LIFR: variants seen among roughly 807,000 people sequenced by gnomAD.
The protein encoded by LIFR is leukemia inhibitory factor receptor.
Under a neutral mutation model 122.2 loss-of-function variants are expected in LIFR, and 84 were observed. The observed-to-expected ratio is 0.69, with a 90% CI of 0.58 to 0.82. The LOEUF (loss-of-function observed/expected upper bound fraction) is 0.82. Among genes scored for constraint, LIFR ranks in the 40% least tolerant of loss-of-function variants. The pLI is 0.00. For missense variants in LIFR, 1,294 were observed against 1,311.6 expected (o/e 0.99, Z 0.21); for synonymous variants, 422 against 434.7 (o/e 0.97, Z 0.36).
chr5:38,483,745 A>T (rs574113993), intron 18 of LIFR, among the ~76,000 whole-genome samples: 90 of 152,304 alleles, frequency 5.9e-4, no homozygotes, highest in Non-Finnish European at 9.4e-4. Context: ...TTGTTTTAAA[A>T]ATGTGAATTT....
intron 1 of LIFR, among the ~76,000 whole-genome samples, chr5:38,545,593 T>A (rs1294049077): frequency 6.6e-6 from 1 of 152,104 alleles, no homozygotes; most frequent in Non-Finnish European, 1.5e-5. Flanking sequence ...CAGGGCACGG[T>A]GGCTCACGCC....
chr5:38,552,008 T>C (rs1748230248), intron 1 of LIFR, among the ~76,000 whole-genome samples: 1 of 152,202 alleles, frequency 6.6e-6, no homozygotes, highest in Non-Finnish European at 1.5e-5. Context: ...CTGGTAGGTG[T>C]TTCTACTCTT....
Position 38,502,747 on chromosome 5 carries a change from T to C in LIFR, c.1490A>G (p.Asp497Gly), listed in dbSNP as rs556703965. 2.5e-6 allele frequency: 4 copies of C among 1,611,612 alleles called. No individual in the cohort carries two copies. Among genetic ancestry groups the C allele is most frequent in the African/African-American group, 1.3e-5 (1 of 75,012 alleles). The change falls in exon 11 of 20, where the codon GAC (aspartate) becomes GGC (glycine). Residue 497 changes from aspartate (D) to glycine (G), a missense_variant. Coordinates refer to ENST00000453190, the MANE Select transcript of LIFR (RefSeq NM_001127671.2). Reference sequence around the variant, plus strand: ...ATATAGAGTGTATGGATTTAACTTGTCCAGAGCAACAAGATAACTTGAATT... The same window carrying C: ...ATATAGAGTGTATGGATTTAACTTGCCCAGAGCAACAAGATAACTTGAATT... The part of the protein sequence containing the change: ...VENSSYLVAL[D>G]KLNPYTLYTF...
At chr5:38,597,591 C>G (rs926531205), upstream of LIFR, among the ~76,000 whole-genome samples, 1 of 152,158 alleles carries the variant, frequency 6.6e-6, no homozygotes, top group Non-Finnish European at 1.5e-5. Context: ...TGAGGTAGTG[C>G]TACTAGCATC....
intron 5 of LIFR, among the ~76,000 whole-genome samples, chr5:38,518,164 G>C (rs1746206047): frequency 1.3e-5 from 2 of 151,782 alleles, no homozygotes; most frequent in Admixed American, 6.6e-5. Flanking sequence ...ATTTGACCTG[G>C]GTCTTGAAAT....
chr5:38,509,204 TTAAG>T (rs1490707465), intron 7 of LIFR, among the ~76,000 whole-genome samples: 11 of 152,230 alleles, frequency 7.2e-5, no homozygotes, highest in Admixed American at 7.2e-4. Flanking sequence ...TTTCATACTT[TTAAG>T]TAATAGCTCA....
chr5:38,502,838 T>C (rs1745263340), intron 10 of LIFR, 39 bp from the exon 11 acceptor site: 1 of 1,178,022 alleles, frequency 8.5e-7, no homozygotes, highest in African/African-American at 1.5e-5. Context: ...ATGTATATAT[T>C]ATGTGTATGA....
intron 3 of LIFR, 74 bp downstream of exon 3, chr5:38,528,652 C>A: frequency 1.1e-6 from 1 of 886,290 alleles, no homozygotes; most frequent in Non-Finnish European, 1.9e-6. Flanking sequence ...GTTTCACAAG[C>A]AATAAGGTAA....
At chr5:38,524,389 C>T (rs763814055) in intron 4 of LIFR, among the ~76,000 whole-genome samples, 12 of 151,980 alleles carry the variant, frequency 7.9e-5, no homozygotes, top group African/African-American at 2.2e-4. Flanking sequence ...ACACAGACTG[C>T]GGGGGATTGA....
intron 16 of LIFR, among the ~76,000 whole-genome samples, chr5:38,487,314 GT>G (rs1744340407): frequency 6.6e-6 from 1 of 152,206 alleles, no homozygotes; most frequent in Admixed American, 6.5e-5. Context: ...TCTCACGTTG[GT>G]TGACAGACTG....
intron 5 of LIFR, among the ~76,000 whole-genome samples, chr5:38,513,069 A>G (rs139512323): frequency 7.7e-4 from 117 of 152,338 alleles, no homozygotes; most frequent in African/African-American, 2.8e-3. Context: ...TGGGACTTCT[A>G]GGCAAACACA....
intron 12 of LIFR, among the ~76,000 whole-genome samples, chr5:38,497,647 T>C (rs1331200820): frequency 2.6e-5 from 4 of 152,156 alleles, no homozygotes; most frequent in Non-Finnish European, 2.9e-5. Flanking sequence ...ATCTCCCATA[T>C]TCCCACCTCT....
chr5:38,550,966 T>C (rs1748171519), intron 1 of LIFR, among the ~76,000 whole-genome samples: 1 of 152,200 alleles, frequency 6.6e-6, no homozygotes, highest in South Asian at 2.1e-4. Flanking sequence ...TTTTCTATTA[T>C]TCATAAGAGC....
intron 7 of LIFR, among the ~76,000 whole-genome samples, chr5:38,507,893 G>A (rs1321335258): frequency 1.3e-5 from 2 of 152,004 alleles, no homozygotes; most frequent in African/African-American, 4.8e-5. Flanking sequence ...ACATTAAGAG[G>A]ATTAATGAGT....
exon 1 of LIFR, chr5:38,608,229 G>A (rs951450188): frequency 1.3e-5 from 2 of 151,902 alleles, no homozygotes; most frequent in Non-Finnish European, 2.9e-5. Context: ...TTATTACTGA[G>A]GTCTTATACT....
At chr5:38,501,475 C>T (rs773837505) in intron 11 of LIFR, among the ~76,000 whole-genome samples, 4 of 152,120 alleles carry the variant, frequency 2.6e-5, no homozygotes, top group African/African-American at 4.8e-5. Context: ...CTATTTCGGC[C>T]GGGCACAGTG....
Position 38,489,233 on chromosome 5 carries a change from G to GC in LIFR, c.2179dup (p.Ala727GlyfsTer7). On this transcript the variant is annotated frameshift_variant, in exon 16 of 20. Coordinates refer to ENST00000453190, the MANE Select transcript of LIFR (RefSeq NM_001127671.2). LOFTEE classifies it high-confidence loss of function. ...AGTATCCTCAACAGTAAAATTTGGT[G>GC]CAACAATGGGAGCTGTAAAAGGAAA... 1 of 1,612,444 alleles carries GC rather than the reference G, an allele frequency of 6.2e-7. No homozygotes were observed. Among genetic ancestry groups the GC allele is most frequent in the South Asian group, 1.1e-5 (1 of 91,038 alleles).
chr5:38,580,250 G>C (rs933149515), intron 1 of LIFR, among the ~76,000 whole-genome samples: 1 of 152,144 alleles, frequency 6.6e-6, no homozygotes, highest in Non-Finnish European at 1.5e-5. Flanking sequence ...TGCTGCTGTG[G>C]AAGTGGAGGT....
At chr5:38,555,892 T>C (rs139456288) in intron 1 of LIFR, among the ~76,000 whole-genome samples, 1 of 152,286 alleles carries the variant, frequency 6.6e-6, no homozygotes, top group East Asian at 1.9e-4. Context: ...ACTTTGGGTT[T>C]AACCAGTACA....
Sources: gnomAD v4.1 joint callset for allele counts (sites outside exome capture counted in the v4.1 genomes callset) on GRCh38, gnomAD v4.1.1 for gene constraint, MANE v1.5 for transcripts, NCBI Gene and HGNC (gene_info 2026-07-23, HGNC 2026-07-21) for gene names.